Variants in ALKBH8 observed in about 807,000 individuals in gnomAD.
The protein encoded by ALKBH8 is alkB homolog 8, tRNA methyltransferase.
A neutral mutation model predicts 59.8 loss-of-function variants in ALKBH8; 36 were observed. That is an observed-to-expected ratio of 0.60 (90% CI 0.46 to 0.79). ALKBH8 has a LOEUF of 0.79. ALKBH8 is among the 30% of genes least tolerant of loss of function. ALKBH8 has a pLI of 0.00. For synonymous variants in ALKBH8, 276 were observed against 273.6 expected, an observed-to-expected ratio of 1.01 and a Z score of -0.09; for missense variants, 768 against 801.0, an observed-to-expected ratio of 0.96 and a Z score of 0.50.
chr11:107,554,030 T>C, intron 3 of ALKBH8, 52 bp from the exon 4 acceptor site: 2 of 1,596,514 alleles, frequency 1.3e-6, no homozygotes, highest in Non-Finnish European at 1.7e-6. Context: ...AGTTCCTATA[T>C]ACAAATAATT....
At chr11:107,508,734 A>G (rs1862499805) in intron 11 of ALKBH8, among the ~76,000 whole-genome samples, 1 of 152,192 alleles carries the variant, frequency 6.6e-6, no homozygotes, top group African/African-American at 2.4e-5. Flanking sequence ...TAACTATTCT[A>G]AGTAGTTCAT....
At chr11:107,558,763 A>G (rs1186883493) in intron 2 of ALKBH8, among the ~76,000 whole-genome samples, 1 of 152,220 alleles carries the variant, frequency 6.6e-6, no homozygotes, top group Non-Finnish European at 1.5e-5. Flanking sequence ...TTTATTTATA[A>G]TTGTTCAAGC....
chr11:107,516,235 A>G (rs1862856699), intron 10 of ALKBH8, among the ~76,000 whole-genome samples: 1 of 152,192 alleles, frequency 6.6e-6, no homozygotes, highest in East Asian at 1.9e-4. Flanking sequence ...CAAAATCCAC[A>G]TTCTTCCTTC....
intron 1 of ALKBH8, chr11:107,563,422 C>T (rs967859077): frequency 3.3e-5 from 5 of 152,074 alleles, no homozygotes; most frequent in African/African-American, 4.8e-5. Context: ...GCTGTATAAT[C>T]CTAGATGAGT....
In ALKBH8 at chr11:107,504,951, A is replaced by T. The variant is rs1209601505; in HGVS notation, c.1702T>A (p.Cys568Ser). The change falls in exon 12 of 12, where the codon TGT becomes AGT. Residue 568 changes from cysteine to serine, a missense_variant. Coordinates refer to ENST00000428149, the MANE Select transcript of ALKBH8 (RefSeq NM_138775.3). ...PRINDSQEGG[C>S]NSRQVSNSKL... ...GAATTAGAAACTTGCCTTGAATTAC[A>T]TCCTCCTTCCTGAGAGTCATTAATG... 1.3e-6 allele frequency: 2 copies of T among 1,551,790 alleles called. No individual in the cohort carries two copies. Among genetic ancestry groups the T allele is most frequent in the Non-Finnish European group, 1.7e-6 (2 of 1,146,998 alleles).
chr11:107,511,517 T>C (rs1862624960), intron 10 of ALKBH8, among the ~76,000 whole-genome samples: 1 of 152,170 alleles, frequency 6.6e-6, no homozygotes, highest in Non-Finnish European at 1.5e-5. Context: ...TCTGCTTCTT[T>C]ATACTTTTCA....
At chr11:107,546,946 T>C (rs1376167951) in intron 7 of ALKBH8, among the ~76,000 whole-genome samples, 1 of 152,128 alleles carries the variant, frequency 6.6e-6, no homozygotes, top group Non-Finnish European at 1.5e-5. Flanking sequence ...AAGTTAAGAA[T>C]ACCTCATGGG....
chr11:107,526,363 G>A (rs1863355727), intron 8 of ALKBH8, among the ~76,000 whole-genome samples: 1 of 151,916 alleles, frequency 6.6e-6, no homozygotes, highest in African/African-American at 2.4e-5. Flanking sequence ...TTTATCTAAT[G>A]ACTAATGATG....
chr11:107,537,405 G>A (rs1863863589), intron 7 of ALKBH8, among the ~76,000 whole-genome samples: 1 of 152,118 alleles, frequency 6.6e-6, no homozygotes, highest in Non-Finnish European at 1.5e-5. Flanking sequence ...TCCTTTGCAG[G>A]GACACAGATG....
intron 8 of ALKBH8, 76 bp downstream of exon 8, chr11:107,532,224 T>G: frequency 8.3e-7 from 1 of 1,207,588 alleles, no homozygotes; most frequent in Non-Finnish European, 1.2e-6. Flanking sequence ...GCACAGGGCA[T>G]GGTCCCCGTG....
At chr11:107,547,663 G>T (rs1864320895) in intron 7 of ALKBH8, among the ~76,000 whole-genome samples, 1 of 62,598 alleles carries the variant, frequency 1.6e-5, no homozygotes, top group African/African-American at 3.8e-5. Flanking sequence ...AAATTATAAG[G>T]GTTTTAAGAA....
At chr11:107,553,284 A>C in intron 4 of ALKBH8, 81 bp from the exon 5 acceptor site, 1 of 913,558 alleles carries the variant, frequency 1.1e-6, no homozygotes, top group Non-Finnish European at 1.6e-6. Flanking sequence ...TTTTTGAGTA[A>C]GGATTAGTTT....
intron 1 of ALKBH8, 119 bp from the exon 2 acceptor site, chr11:107,561,018 G>T: frequency 1.1e-6 from 1 of 908,166 alleles, no homozygotes; most frequent in Non-Finnish European, 1.6e-6. Flanking sequence ...TTTTAAAAAT[G>T]CTTCATTTAC....
intron 10 of ALKBH8, among the ~76,000 whole-genome samples, chr11:107,515,134 T>C: frequency 6.6e-6 from 1 of 152,174 alleles, no homozygotes; most frequent in East Asian, 1.9e-4. Flanking sequence ...ACTATAGTCA[T>C]GCAGTCACTA....
rs538985035 is a variant in ALKBH8, at chr11:107,532,232, G to A, written c.878+68C>T. 201 of 1,334,774 alleles carry A rather than the reference G, an allele frequency of 1.5e-4. 5 individuals are homozygous for A. The South Asian group carries it at 2.3e-3, about 15-fold the overall frequency. 82.7% of individuals were successfully genotyped at this position (1,334,774 alleles called of 1,614,324 possible). On this transcript the variant is annotated intron_variant, in intron 8 of 11. Coordinates refer to ENST00000428149, the MANE Select transcript of ALKBH8 (RefSeq NM_138775.3). ...TCTGCAGGCACAGGGCATGGTCCCC[G>A]TGGCTCAAACACAGAAGAATGAGAA...
rs558810690 is a variant in ALKBH8 at position 107,510,940 on chromosome 11, C to A, written c.1384G>T (p.Gly462Trp). 1 of 1,551,760 alleles carries A rather than the reference C, an allele frequency of 6.4e-7. No homozygotes were observed. The highest frequency in any genetic ancestry group is 1.4e-5 in the African/African-American group (1 of 73,144). ...ATGGAGATGCAGGCATCACAAGACCCACTGCGGACTGGTACTGCCAATGCA... is the reference window on the plus strand; with the variant it reads ...ATGGAGATGCAGGCATCACAAGACCAACTGCGGACTGGTACTGCCAATGCA... ...CDALAVPVRS[G>W]SCDACISIAV... Residue 462 changes from glycine to tryptophan, a missense_variant, in exon 11 of 12, where the codon GGG becomes TGG. Transcript: ENST00000428149.
chr11:107,534,895 T>C (rs914802755), intron 7 of ALKBH8, among the ~76,000 whole-genome samples: 2 of 152,122 alleles, frequency 1.3e-5, no homozygotes, highest in Admixed American at 6.5e-5. Context: ...TGTAGTCCTT[T>C]ACCCCTCACC....
intron 7 of ALKBH8, among the ~76,000 whole-genome samples, chr11:107,547,075 A>G (rs669588): frequency 0.75 from 114,682 of 152,080 alleles, 44,413 homozygotes; most frequent in South Asian, 0.85. Context: ...TTGACATTAT[A>G]TTTAAGCCAA....
intron 7 of ALKBH8, among the ~76,000 whole-genome samples, chr11:107,549,041 C>T (rs530803953): frequency 1.3e-3 from 203 of 152,038 alleles, no homozygotes; most frequent in African/African-American, 4.7e-3. Flanking sequence ...TTAGTAGAGA[C>T]GGGGTTTCAC....
Sources: gnomAD v4.1 joint callset for allele counts (sites outside exome capture counted in the v4.1 genomes callset) on GRCh38, gnomAD v4.1.1 for gene constraint, MANE v1.5 for transcripts, NCBI Gene and HGNC (gene_info 2026-07-23, HGNC 2026-07-21) for gene names.